The following COL17A1 variants were observed in gnomAD, a reference collection of about 807,000 sequenced individuals.
COL17A1 encodes collagen type XVII alpha 1 chain.
COL17A1 carries 181 observed loss-of-function variants against 218.4 expected under a neutral mutation model. That is an observed-to-expected ratio of 0.83 (90% CI 0.73 to 0.94). COL17A1 has a LOEUF of 0.94. COL17A1 is among the 40% of genes least tolerant of loss of function. COL17A1 has a pLI of 0.00. For synonymous variants in COL17A1, 721 were observed against 731.0 expected, an observed-to-expected ratio of 0.99 and a Z score of 0.22; for missense variants, 1,924 against 1,945.9, an observed-to-expected ratio of 0.99 and a Z score of 0.21.
chr10:104,077,600 G>T, intron 3 of COL17A1, 74 bp from the exon 4 acceptor site: 1 of 1,257,482 alleles, frequency 8.0e-7, no homozygotes, highest in South Asian at 1.3e-5. Context: ...CCCACCCTGT[G>T]GAAGGCTTCC....
chr10:104,035,008 C>T (rs908134706), intron 50 of COL17A1, among the ~76,000 whole-genome samples: 1 of 152,208 alleles, frequency 6.6e-6, no homozygotes, highest in Non-Finnish European at 1.5e-5. Flanking sequence ...ACTCAGCCCT[C>T]CAGTCACTGA....
chr10:104,046,517 A>G (rs568473519), intron 32 of COL17A1, among the ~76,000 whole-genome samples: 1 of 152,318 alleles, frequency 6.6e-6, no homozygotes, highest in African/African-American at 2.4e-5. Context: ...GCACAGGCAG[A>G]CAGAATTGAC....
intron 8 of COL17A1, 47 bp downstream of exon 8, chr10:104,071,985 C>T: frequency 1.2e-6 from 2 of 1,613,754 alleles, no homozygotes; most frequent in African/African-American, 1.3e-5. Context: ...CAGCACTAGC[C>T]CTGGATTTCT....
In COL17A1 at chr10:104,060,133, G is replaced by T; in HGVS notation, c.1127C>A (p.Ala376Asp). 1 of 1,614,088 alleles carries T rather than the reference G, an allele frequency of 6.2e-7. No homozygotes were observed. Among genetic ancestry groups the T allele is most frequent in the East Asian group, 2.2e-5 (1 of 44,884 alleles). Residue 376 changes from alanine (A) to aspartate (D), a missense_variant, in exon 14 of 56, where the codon GCC becomes GAC. Ala to Asp is a moderately radical substitution (Grantham distance 126). Transcript: ENST00000648076. ...ATCTGACGCACTTGCAGCGATGCTG[G>T]CAGGGGAGGCTGTAAAGACCTTCCC... ...DSGKVFTASPASIAATSFSED... is the reference protein window; with the variant it reads ...DSGKVFTASPDSIAATSFSED...
rs760984860 is a variant in COL17A1, at chr10:104,070,512, C to A, written c.521G>T (p.Ser174Ile). ...TGTGTTGGAGGAATTCCGGGTGGGG[C>A]TCACACTTGCCGATCGACTCCCCTT... The part of the protein sequence containing the change: ...LLKGSRSASV[S>I]PTRNSSNTLP... The change falls in exon 9 of 56, where the codon AGC becomes ATC. Residue 174 changes from serine to isoleucine, a missense_variant. Coordinates refer to ENST00000648076, the MANE Select transcript of COL17A1 (RefSeq NM_000494.4). The A allele has an allele frequency of 7.4e-6, 12 of 1,614,160 alleles. No individual in the cohort carries two copies. The highest frequency in any genetic ancestry group is 1.0e-5 in the Non-Finnish European group (12 of 1,180,042).
chr10:104,040,939 T>C, intron 39 of COL17A1, 126 bp downstream of exon 39: 5 of 1,037,270 alleles, frequency 4.8e-6, no homozygotes, highest in South Asian at 1.3e-5. Context: ...TATATAAACA[T>C]ATCCCCATGG....
intron 36 of COL17A1, 33 bp downstream of exon 36, chr10:104,042,387 C>T (rs373265375): frequency 1.3e-4 from 215 of 1,613,164 alleles, no homozygotes; most frequent in Non-Finnish European, 1.7e-4. Context: ...CGACTGGGCC[C>T]ATCGCTTTGC....
chr10:104,069,385 G>A (rs1589574916), intron 9 of COL17A1, among the ~76,000 whole-genome samples: 4 of 152,264 alleles, frequency 2.6e-5, no homozygotes, highest in African/African-American at 9.6e-5. Context: ...GTGCTAAGGG[G>A]AATTATGGAA....
intron 15 of COL17A1, among the ~76,000 whole-genome samples, chr10:104,058,718 G>C (rs1162634174): frequency 6.6e-6 from 1 of 152,168 alleles, no homozygotes; most frequent in Non-Finnish European, 1.5e-5. Flanking sequence ...CAGATCACGA[G>C]GTCAGGAGTT....
intron 20 of COL17A1, among the ~76,000 whole-genome samples, chr10:104,054,472 G>A (rs1749725971): frequency 6.6e-6 from 1 of 152,078 alleles, no homozygotes; most frequent in African/African-American, 2.4e-5. Flanking sequence ...AGGAGGGCTG[G>A]GACAATGACC....
intron 9 of COL17A1, among the ~76,000 whole-genome samples, chr10:104,066,228 C>G (rs1265753224): frequency 6.6e-6 from 1 of 152,170 alleles, no homozygotes; most frequent in Non-Finnish European, 1.5e-5. Flanking sequence ...CCAAGACAAC[C>G]CTAAACAAAC....
intron 48 of COL17A1, among the ~76,000 whole-genome samples, 179 bp downstream of exon 48, chr10:104,036,313 A>C (rs549292030): frequency 6.7e-6 from 1 of 149,138 alleles, no homozygotes; most frequent in African/African-American, 2.5e-5. Context: ...TTTCCTTGCC[A>C]TGCTTCTTGA....
At chr10:104,065,100 T>G (rs2086615925) in intron 9 of COL17A1, among the ~76,000 whole-genome samples, 1 of 152,182 alleles carries the variant, frequency 6.6e-6, no homozygotes, top group Non-Finnish European at 1.5e-5. Context: ...CTGGCAGCCT[T>G]CTCTGGTTCC....
Position 104,032,689 on chromosome 10 carries a change from C to T in COL17A1, c.4423G>A (p.Glu1475Lys). ...CAACACTTACCTTTGTCTCCTTTTT[C>T]TCCCTTGTGTCCTCGAGGGCCAGGT... Reference protein sequence around the residue: ...GPPGPRGHKGEKGDKGDQVYA... With the variant: ...GPPGPRGHKGKKGDKGDQVYA... The change falls in exon 55 of 56, where the codon GAA becomes AAA. Residue 1475 changes from glutamate to lysine, a missense_variant. Glu to Lys is a moderately conservative substitution (Grantham distance 56, BLOSUM62 1). Transcript: ENST00000648076. 6.2e-7 allele frequency: 1 copy of T among 1,614,070 alleles called. No homozygotes were observed. The highest frequency in any genetic ancestry group is 8.5e-7 in the Non-Finnish European group (1 of 1,179,960).
intron 23 of COL17A1, 107 bp from the exon 24 acceptor site, chr10:104,052,324 T>G (rs1384548488): frequency 6.2e-6 from 9 of 1,442,252 alleles, no homozygotes; most frequent in Non-Finnish European, 8.7e-6. Flanking sequence ...GCTAGTGGTC[T>G]TGGATCCATT....
intron 44 of COL17A1, 43 bp downstream of exon 44, chr10:104,039,028 C>G: frequency 6.3e-7 from 1 of 1,586,796 alleles, no homozygotes; most frequent in Non-Finnish European, 8.7e-7. Flanking sequence ...TCAGCCTTCA[C>G]CAGAAGAAGT....
chr10:104,058,738 C>T (rs1401007772), intron 15 of COL17A1, among the ~76,000 whole-genome samples: 1 of 152,096 alleles, frequency 6.6e-6, no homozygotes, highest in African/African-American at 2.4e-5. Context: ...TCGAGACCAG[C>T]CTGGCCAACA....
chr10:104,077,487 A>G lies in COL17A1; in HGVS notation c.137T>C (p.Leu46Pro). 2.5e-6 allele frequency: 4 copies of G among 1,613,508 alleles called. No homozygotes were observed. The highest frequency in any genetic ancestry group is 3.4e-6 in the Non-Finnish European group (4 of 1,179,850). The change falls in exon 4 of 56, where the codon CTT becomes CCT. Residue 46 changes from leucine to proline, a missense_variant. By Grantham distance (98) the Leu-to-Pro change is moderately conservative (BLOSUM62 -3). Coordinates refer to ENST00000648076, the MANE Select transcript of COL17A1 (RefSeq NM_000494.4). ...TSNGYAKTAS[L>P]GGGSRLEKQS... ...TTTCTCCAGCCGGCTCCCTCCACCA[A>G]GAGAGGCTGTTTTAGCATAGCCATT...
intron 9 of COL17A1, among the ~76,000 whole-genome samples, chr10:104,066,375 A>G (rs2086626201): frequency 6.6e-6 from 1 of 152,342 alleles, no homozygotes; most frequent in African/African-American, 2.4e-5. Flanking sequence ...GCAAAAAATG[A>G]TAAAGTATTG....
Sources: gnomAD v4.1 joint callset for allele counts (sites outside exome capture counted in the v4.1 genomes callset) on GRCh38, gnomAD v4.1.1 for gene constraint, MANE v1.5 for transcripts, NCBI Gene and HGNC (gene_info 2026-07-23, HGNC 2026-07-21) for gene names.